The following SHC2 variants were observed in gnomAD, a reference collection of about 807,000 sequenced individuals.
SHC2 encodes the protein SHC adaptor protein 2, also known as SHC-transforming protein 2.
A neutral mutation model predicts 60.6 loss-of-function variants in SHC2; 62 were observed. That is an observed-to-expected ratio of 1.02 (90% confidence interval 0.83 to 1.26). The LOEUF (loss-of-function observed/expected upper bound fraction) is 1.26, where lower values mean the gene tolerates loss of function less well. Ranked by LOEUF, SHC2 falls within the 50% of genes most tolerant of loss-of-function variation. The pLI is 0.00. For synonymous variants in SHC2, 375 were observed against 372.4 expected (o/e 1.01, Z -0.08); for missense variants, 873 against 822.2 (o/e 1.06, Z -0.76).
At position 416,956 on chromosome 19, in the gene SHC2, T is replaced by TGGG; in HGVS notation, c.*369_*371dup. ...GGAATCCGCCTCCTCCCCAGGGTCC[T>TGGG]GGGAGCCCTGACTCTCCGGGGCGTT... On this transcript the variant is annotated 3_prime_UTR_variant, in exon 13 of 13. Coordinates refer to ENST00000264554, the MANE Select transcript of SHC2 (RefSeq NM_012435.3). 1 of 152,918 alleles carries TGGG rather than the reference T, an allele frequency of 6.5e-6. No homozygotes were observed. The highest frequency in any genetic ancestry group is 6.5e-5 in the Admixed American group (1 of 15,298). The allele number at this position is 152,918 out of a possible 1,614,324, so 9.5% of individuals were successfully genotyped here.
At position 440,353 on chromosome 19, in the gene SHC2, C is replaced by T. The variant is rs148201808; in HGVS notation, c.539+509G>A. 4.6e-5 allele frequency among the ~76,000 whole-genome samples: 7 copies of T among 152,230 alleles called. No individual in the cohort carries two copies. The highest frequency in any genetic ancestry group is 2.1e-4 in the South Asian group (1 of 4,830). On this transcript the variant is annotated intron_variant, in intron 2 of 12. Transcript: ENST00000264554. The surrounding 1 kb of genome is among the most constrained non-coding windows in gnomAD (Gnocchi z 7.0). The stretch of plus-strand genomic sequence containing the variant: ...CTGTACATTATATCTCACATACGCA[C>T]GTGTAAACTGTCTCACATGGTTTTT...
chr19:428,034 G>A (rs1461325745), intron 9 of SHC2, among the ~76,000 whole-genome samples: 1 of 152,182 alleles, frequency 6.6e-6, no homozygotes, highest in African/African-American at 2.4e-5. Context: ...TTTGAGATCA[G>A]CCTGGGAAAC....
At chr19:434,326 G>C (rs931636991) in intron 8 of SHC2, among the ~76,000 whole-genome samples, 10 of 59,780 alleles carry the variant, frequency 1.7e-4, no homozygotes, top group Non-Finnish European at 3.4e-4. Flanking sequence ...CTGAGATCAT[G>C]AGTCTGTGAG....
chr19:435,559 A>G (rs1287886956), intron 7 of SHC2, among the ~76,000 whole-genome samples: 4 of 152,224 alleles, frequency 2.6e-5, no homozygotes, highest in African/African-American at 4.8e-5. Flanking sequence ...CATTGGAGGA[A>G]GCTGACTTTC....
Position 422,791 on chromosome 19 carries a change from C to T in SHC2, c.1310-335G>A, listed in dbSNP as rs900049404. On this transcript the variant is annotated intron_variant, in intron 10 of 12. Transcript: ENST00000264554. The surrounding 1 kb of genome is among the most constrained non-coding windows in gnomAD (Gnocchi z 5.0). ...CTTCCTTCCCAAAGCGTACGCCTCT[C>T]GTTTCCTTGTCTGGTCTTACTGCAT... The T allele has an allele frequency of 5.1e-5, 12 of 236,860 alleles. No homozygotes were observed. The highest frequency in any genetic ancestry group is 9.1e-5 in the East Asian group (1 of 10,982). The allele number at this position is 236,860 out of a possible 1,614,324, so 14.7% of individuals were successfully genotyped here.
rs1322889296 is a variant in SHC2, at chr19:445,353, A to G, written c.469-4421T>C. On this transcript the variant is annotated intron_variant, in intron 1 of 12. Transcript: ENST00000264554. This position sits in a 1 kb window ranked among gnomAD's most constrained non-coding sequence, Gnocchi z 4.4. ...CTCCACCACGTGAGGACACAGGAGA[A>G]CACGGCCCTCTGTAAAGAGGCCCTC... 2.0e-5 allele frequency among the ~76,000 whole-genome samples: 3 copies of G among 152,214 alleles called. No individual in the cohort carries two copies. Among genetic ancestry groups the G allele is most frequent in the Admixed American group, 6.5e-5 (1 of 15,282 alleles).
chr19:445,314 G>T lies in SHC2; in HGVS notation c.469-4382C>A, dbSNP rs927105649. On this transcript the variant is annotated intron_variant, in intron 1 of 12. Transcript: ENST00000264554. This position sits in a 1 kb window ranked among gnomAD's most constrained non-coding sequence, Gnocchi z 4.4. The stretch of plus-strand genomic sequence containing the variant: ...CAGTGCCCTTATAAAAGAGACCCCA[G>T]ACAGAGCCCAGCCCTCCACCACGTG... Among the ~76,000 whole-genome samples the T allele has an allele frequency of 1.3e-5, 2 of 152,152 alleles. No individual in the cohort carries two copies. Among genetic ancestry groups the T allele is most frequent in the Non-Finnish European group, 2.9e-5 (2 of 68,026 alleles).
intron 1 of SHC2, among the ~76,000 whole-genome samples, chr19:450,708 G>A (rs534688454): frequency 1.3e-5 from 2 of 152,290 alleles, no homozygotes; most frequent in African/African-American, 4.8e-5. Flanking sequence ...GCGTGTGGAT[G>A]GCCACACTGT....
chr19:420,236 G>A (rs903252751), intron 11 of SHC2, among the ~76,000 whole-genome samples: 1 of 152,166 alleles, frequency 6.6e-6, no homozygotes, highest in African/African-American at 2.4e-5. Context: ...GTCTGAGGGG[G>A]CTCAGGAACT....
intron 9 of SHC2, among the ~76,000 whole-genome samples, chr19:427,367 G>T (rs1029362553): frequency 1.3e-5 from 2 of 152,222 alleles, no homozygotes; most frequent in East Asian, 3.9e-4. Flanking sequence ...CTGGAGAGAA[G>T]GGCTCGTGGG....
rs537251227 is a variant in SHC2, at chr19:440,683, C to T, written c.539+179G>A. Reference sequence around the variant, plus strand: ...GGTCTGCAGGGCACGGTGACCGACACCTGGCGTGGGGACAGGGCGGAGACG... The same window carrying T: ...GGTCTGCAGGGCACGGTGACCGACATCTGGCGTGGGGACAGGGCGGAGACG... On this transcript the variant is annotated intron_variant, in intron 2 of 12. Transcript: ENST00000264554. This position sits in a 1 kb window ranked among gnomAD's most constrained non-coding sequence, Gnocchi z 7.0. Among the ~76,000 whole-genome samples the T allele has an allele frequency of 1.3e-5, 2 of 152,330 alleles. No individual in the cohort carries two copies. Among genetic ancestry groups the T allele is most frequent in the South Asian group, 4.1e-4 (2 of 4,826 alleles).
Position 426,800 on chromosome 19 carries a change from G to A in SHC2, c.1175-1569C>T, listed in dbSNP as rs1488095631. Among the ~76,000 whole-genome samples the A allele has an allele frequency of 1.6e-4, 20 of 121,644 alleles. No homozygotes were observed. In the East Asian group the frequency reaches 7.0e-3, roughly 43 times the overall value. The allele number at this position is 121,644 out of a possible 152,430, so 79.8% of individuals were successfully genotyped here. A position where few individuals can be genotyped will look rare whatever the true frequency, so the allele number is the denominator to read the frequency against. ...ACCGAGAGGGGCAGAGTCCGGGGAG[G>A]GAGGACGACACCGAGAGGGGCAGAG... On this transcript the variant is annotated intron_variant, in intron 9 of 12. Coordinates refer to ENST00000264554, the MANE Select transcript of SHC2 (RefSeq NM_012435.3).
chr19:420,411 C>T (rs558364692), intron 11 of SHC2, among the ~76,000 whole-genome samples: 5 of 152,334 alleles, frequency 3.3e-5, no homozygotes, highest in African/African-American at 1.2e-4. Context: ...TGGCTGAAAA[C>T]GCCTCCTACG....
chr19:419,055 A>G lies in SHC2; in HGVS notation c.1622T>C (p.Val541Ala), dbSNP rs1974213589. The G allele has an allele frequency of 6.3e-7, 1 of 1,577,036 alleles. No homozygotes were observed. Among genetic ancestry groups the G allele is most frequent in the Non-Finnish European group, 8.6e-7 (1 of 1,160,288 alleles). ...CTCAAACAGCACGTCCTTCGTCCGT[A>G]CCTGCGGGACAGAGACCTCGGCATC... ...HLLLVDPEGV[V>A]RTKDVLFESI... The change falls in exon 12 of 13, where the codon GTA becomes GCA. Residue 541 changes from valine (V) to alanine (A), a missense_variant and splice_region_variant. By Grantham distance (64) the Val-to-Ala change is moderately conservative (BLOSUM62 0). Coordinates refer to ENST00000264554, the MANE Select transcript of SHC2 (RefSeq NM_012435.3).
Position 441,796 on chromosome 19 carries a change from G to T in SHC2, c.469-864C>A, listed in dbSNP as rs1974877916. On this transcript the variant is annotated intron_variant, in intron 1 of 12. Coordinates refer to ENST00000264554, the MANE Select transcript of SHC2 (RefSeq NM_012435.3). The surrounding 1 kb of genome is among the most constrained non-coding windows in gnomAD (Gnocchi z 4.9). Reference sequence around the variant, plus strand: ...TACTGAACTGTGAAAAATGCAACATGCAAAATGATGAATAACGTTATGTGA... The same window carrying T: ...TACTGAACTGTGAAAAATGCAACATTCAAAATGATGAATAACGTTATGTGA... 6.6e-6 allele frequency among the ~76,000 whole-genome samples: 1 copy of T among 152,232 alleles called. No homozygotes were observed. The highest frequency in any genetic ancestry group is 1.5e-5 in the Non-Finnish European group (1 of 68,042).
chr19:444,493 G>A (rs1975002902), intron 1 of SHC2, among the ~76,000 whole-genome samples: 1 of 152,096 alleles, frequency 6.6e-6, no homozygotes, highest in Non-Finnish European at 1.5e-5. Flanking sequence ...TGGTCCATGG[G>A]TCCCGTTGTG....
chr19:443,728 G>A (rs1381941979), intron 1 of SHC2, among the ~76,000 whole-genome samples: 1 of 150,646 alleles, frequency 6.6e-6, no homozygotes, highest in Non-Finnish European at 1.5e-5. Context: ...GTGAGTGGAT[G>A]GGTGGGTGGA....
chr19:438,881 G>C lies in SHC2; in HGVS notation c.601-44C>G. The C allele has an allele frequency of 6.4e-7, 1 of 1,552,284 alleles. No individual in the cohort carries two copies. Among genetic ancestry groups the C allele is most frequent in the Non-Finnish European group, 8.7e-7 (1 of 1,147,194 alleles). Reference sequence around the variant, plus strand: ...ACAGCGAGGGCGGCTGTGGGTGGGGGCTGTCGAGGGGCTCCCAGGATGGCC... The same window carrying C: ...ACAGCGAGGGCGGCTGTGGGTGGGGCCTGTCGAGGGGCTCCCAGGATGGCC... On this transcript the variant is annotated intron_variant, in intron 3 of 12. Coordinates refer to ENST00000264554, the MANE Select transcript of SHC2 (RefSeq NM_012435.3). This position sits in a 1 kb window ranked among gnomAD's most constrained non-coding sequence, Gnocchi z 5.0.
chr19:419,213 C>G (rs949545301), intron 11 of SHC2, 157 bp from the exon 12 acceptor site: 1 of 857,378 alleles, frequency 1.2e-6, no homozygotes, highest in African/African-American at 1.7e-5. Context: ...AAAGGATCGG[C>G]CTCAGAATTC....
Sources: gnomAD v4.1 joint callset for allele counts (sites outside exome capture counted in the v4.1 genomes callset) on GRCh38, gnomAD v4.1.1 for gene constraint, Gnocchi (gnomAD v3.1) non-coding constraint, MANE v1.5 for transcripts, NCBI Gene and HGNC (gene_info 2026-07-23, HGNC 2026-07-21) for gene names.